Variants in KIF13B observed in about 807,000 individuals in gnomAD.
The protein encoded by KIF13B is kinesin family member 13B.
In KIF13B, 127 loss-of-function variants were observed where a neutral mutation model predicts 222.0. The ratio of observed to expected loss-of-function variants is 0.57; its 90% confidence interval spans 0.50 to 0.66. KIF13B has a LOEUF of 0.66. Among genes scored for constraint, KIF13B ranks in the 30% least tolerant of loss-of-function variants. KIF13B has a pLI of 0.00. For missense variants in KIF13B, 2,173 were observed against 2,379.0 expected, an observed-to-expected ratio of 0.91 and a Z score of 1.80; for synonymous variants, 976 against 919.0, an observed-to-expected ratio of 1.06 and a Z score of -1.12.
In KIF13B at chr8:29,070,677, C is replaced by T. The variant is rs1807220500; in HGVS notation, c.5308G>A (p.Ala1770Thr). 4 of 1,560,752 alleles carry T rather than the reference C, an allele frequency of 2.6e-6. No homozygotes were observed. Among genetic ancestry groups the T allele is most frequent in the Non-Finnish European group, 2.6e-6 (3 of 1,152,952 alleles). Reference protein sequence around the residue: ...LLVRPSRVRRATGPVRRRSTG... With the variant: ...LLVRPSRVRRTTGPVRRRSTG... ...CTGCGCCGCCGCACAGGGCCCGTGGCCCTGCGGACCCGGCTGGGCCTGACC... is the reference window on the plus strand; with the variant it reads ...CTGCGCCGCCGCACAGGGCCCGTGGTCCTGCGGACCCGGCTGGGCCTGACC... Residue 1770 changes from alanine (A) to threonine (T), a missense_variant, in exon 40 of 40, where the codon GCC (alanine) becomes ACC (threonine). Ala to Thr is a moderately conservative substitution (Grantham distance 58). Around this residue, in one of 2 missense-constraint regions of KIF13B, gnomAD observed 693 missense variants for 656.2 expected, o/e 1.06. Coordinates refer to ENST00000524189, the MANE Select transcript of KIF13B (RefSeq NM_015254.4). This position sits in a 1 kb window ranked among gnomAD's most constrained non-coding sequence, Gnocchi z 4.1.
chr8:29,119,086 T>C, intron 29 of KIF13B, 94 bp from the exon 30 acceptor site: 1 of 1,305,810 alleles, frequency 7.7e-7, no homozygotes, highest in Admixed American at 2.2e-5. Flanking sequence ...ATTCTTCTGC[T>C]TCAAATTTCA....
chr8:29,171,145 T>C (rs1418441260), intron 10 of KIF13B, among the ~76,000 whole-genome samples: 1 of 152,210 alleles, frequency 6.6e-6, no homozygotes, highest in Admixed American at 6.5e-5. Flanking sequence ...ATTAGAAAGA[T>C]ACTCATTATC....
intron 2 of KIF13B, among the ~76,000 whole-genome samples, chr8:29,202,681 G>A (rs1813748701): frequency 1.3e-5 from 2 of 152,188 alleles, no homozygotes; most frequent in Admixed American, 6.5e-5. Flanking sequence ...TCTAAGCGGA[G>A]AGCAGAAAGC....
intron 31 of KIF13B, among the ~76,000 whole-genome samples, chr8:29,115,909 C>A (rs1407626661): frequency 6.6e-6 from 1 of 152,174 alleles, no homozygotes; most frequent in Non-Finnish European, 1.5e-5. Flanking sequence ...CTCTCTGAAG[C>A]GCCCCCACCA....
At position 29,250,742 on chromosome 8, in the gene KIF13B, A is replaced by G. The variant is rs182863201; in HGVS notation, c.56-5303T>C. On this transcript the variant is annotated intron_variant, in intron 1 of 39. Coordinates refer to ENST00000524189, the MANE Select transcript of KIF13B (RefSeq NM_015254.4). ...GCAGAACATCTAGGACACATGCCCA[A>G]TCAAATAAAGGCAGTGAGATCTGAA... is the stretch of plus-strand genomic sequence containing the variant. Among the ~76,000 whole-genome samples, 452 of 152,322 alleles carry G rather than the reference A, an allele frequency of 3.0e-3. 3 individuals carry two copies. Among genetic ancestry groups the G allele is most frequent in the African/African-American group, 0.011 (443 of 41,564 alleles).
chr8:29,093,838 C>T (rs772800595), intron 36 of KIF13B, among the ~76,000 whole-genome samples: 7 of 151,436 alleles, frequency 4.6e-5, no homozygotes, highest in Non-Finnish European at 8.8e-5. Flanking sequence ...TATACCGAGC[C>T]GAGAGATACA....
intron 3 of KIF13B, among the ~76,000 whole-genome samples, chr8:29,193,376 T>TG (rs140821906): frequency 6.6e-6 from 1 of 152,078 alleles, no homozygotes; most frequent in Non-Finnish European, 1.5e-5. Flanking sequence ...GGCATCAAAC[T>TG]GGGGGGAGCT....
chr8:29,147,995 T>C (rs1811131355), intron 16 of KIF13B, among the ~76,000 whole-genome samples: 1 of 152,168 alleles, frequency 6.6e-6, no homozygotes, highest in African/African-American at 2.4e-5. Flanking sequence ...GTCAGGAGTT[T>C]GAGACCAGCC....
At chr8:29,239,451 T>C (rs745669802) in intron 2 of KIF13B, among the ~76,000 whole-genome samples, 1 of 152,202 alleles carries the variant, frequency 6.6e-6, no homozygotes, top group Non-Finnish European at 1.5e-5. Context: ...TAACATTGTA[T>C]GTTCTCACTT....
At chr8:29,180,928 G>C (rs569954888) in intron 7 of KIF13B, among the ~76,000 whole-genome samples, 1 of 152,230 alleles carries the variant, frequency 6.6e-6, no homozygotes, top group South Asian at 2.1e-4. Context: ...TTAATGAGGA[G>C]TGAGAAAAAT....
chr8:29,228,472 A>AAAGAAAAAAAAAATATAT, intron 2 of KIF13B, among the ~76,000 whole-genome samples: 1 of 117,086 alleles, frequency 8.5e-6, no homozygotes, highest in African/African-American at 3.3e-5. Context: ...ATCTTAAAAA[A>AAAGAAAAAAAAAATATAT]ATATATATAT....
At chr8:29,230,650 A>C (rs1815244502) in intron 2 of KIF13B, among the ~76,000 whole-genome samples, 1 of 152,182 alleles carries the variant, frequency 6.6e-6, no homozygotes, top group Admixed American at 6.5e-5. Context: ...TCAGATTATG[A>C]GCACGTGAAG....
chr8:29,204,577 C>A (rs1704552702), intron 2 of KIF13B, among the ~76,000 whole-genome samples: 1 of 152,184 alleles, frequency 6.6e-6, no homozygotes, highest in African/African-American at 2.4e-5. Context: ...AAGTTTAAAT[C>A]TGGCCAAAGA....
intron 2 of KIF13B, among the ~76,000 whole-genome samples, chr8:29,208,488 C>A (rs188708843): frequency 2.4e-4 from 36 of 152,150 alleles, no homozygotes; most frequent in South Asian, 1.2e-3. Context: ...TTGGTTTTTT[C>A]TAGGCAGAGG....
At chr8:29,133,379 A>G (rs1267831775) in intron 22 of KIF13B, among the ~76,000 whole-genome samples, 3 of 152,232 alleles carry the variant, frequency 2.0e-5, no homozygotes, top group African/African-American at 4.8e-5. Context: ...ATTTGAGGTC[A>G]GGAGTTTGAA....
intron 12 of KIF13B, among the ~76,000 whole-genome samples, chr8:29,162,712 C>T (rs1208387237): frequency 1.3e-5 from 2 of 152,162 alleles, no homozygotes; most frequent in East Asian, 1.9e-4. Context: ...TTCATTATTC[C>T]GTTTGCCACC....
intron 35 of KIF13B, among the ~76,000 whole-genome samples, chr8:29,106,481 A>C (rs970875061): frequency 3.3e-5 from 5 of 152,010 alleles, no homozygotes; most frequent in Non-Finnish European, 2.9e-5. Context: ...AAAATACAAA[A>C]GTTAGTAGGG....
chr8:29,092,986 A>C lies in KIF13B; in HGVS notation c.4325-108T>G, dbSNP rs1029669588. On this transcript the variant is annotated intron_variant, in intron 36 of 39. Coordinates refer to ENST00000524189, the MANE Select transcript of KIF13B (RefSeq NM_015254.4). ...TGTCAGCAAATCTAACAAAAACCAA[A>C]GGTATCCTTAAAAAATATTAGAGAA... The C allele has an allele frequency of 1.4e-5, 14 of 1,007,148 alleles. No homozygotes were observed. In the African/African-American group the frequency reaches 2.2e-4, roughly 15 times the overall value. The allele number at this position is 1,007,148 out of a possible 1,614,324, so 62.4% of individuals were successfully genotyped here.
intron 2 of KIF13B, among the ~76,000 whole-genome samples, chr8:29,233,945 TAA>T (rs1335220467): frequency 4.6e-5 from 7 of 152,242 alleles, no homozygotes; most frequent in African/African-American, 1.7e-4. Flanking sequence ...AATAGACAGT[TAA>T]GAGTTAGCAC....
Sources: allele counts gnomAD v4.1 joint callset (sites outside exome capture counted in the v4.1 genomes callset), GRCh38; gene constraint gnomAD v4.1.1; regional missense constraint gnomAD v4.1.1; non-coding constraint Gnocchi (gnomAD v3.1); transcripts MANE v1.5; gene names NCBI Gene and HGNC (gene_info 2026-07-23, HGNC 2026-07-21).